Variants in TEX9 observed in about 807,000 individuals in gnomAD.
TEX9 encodes testis expressed 9, also known as testis-expressed protein 9.
TEX9 carries 74 observed loss-of-function variants against 59.6 expected under a neutral mutation model. The ratio of observed to expected loss-of-function variants is 1.24; its 90% CI spans 1.03 to 1.51. The LOEUF is 1.51. Among genes scored for constraint, TEX9 ranks in the 40% most tolerant of loss-of-function variants. The pLI is 0.00. For missense variants in TEX9, 522 were observed against 447.8 expected (o/e 1.17, Z -1.49); for synonymous variants, 186 against 152.2 (o/e 1.22, Z -1.64).
intron 12 of TEX9, among the ~76,000 whole-genome samples, chr15:56,436,045 T>C (rs2140335909): frequency 1.3e-5 from 2 of 151,832 alleles, no homozygotes; most frequent in South Asian, 4.2e-4. Flanking sequence ...ATCATATCAG[T>C]AGAAAAAAGT....
chr15:56,281,463 C>A (rs769762654), intron 1 of TEX9, among the ~76,000 whole-genome samples: 19 of 152,204 alleles, frequency 1.2e-4, no homozygotes, highest in Non-Finnish European at 7.3e-5. Flanking sequence ...ACCGCCCATG[C>A]GAGGGATCTA....
chr15:56,316,026 A>G (rs1488119349), intron 1 of TEX9, among the ~76,000 whole-genome samples: 2 of 150,564 alleles, frequency 1.3e-5, no homozygotes, highest in African/African-American at 4.9e-5. Flanking sequence ...ACTTCTCTGT[A>G]TTGGTTATTC....
chr15:56,329,014 G>C (rs2046085884), intron 1 of TEX9, among the ~76,000 whole-genome samples: 1 of 151,796 alleles, frequency 6.6e-6, no homozygotes, highest in East Asian at 1.9e-4. Flanking sequence ...ACCCAGAGCA[G>C]TCCCAGTGGT....
At chr15:56,322,675 G>A (rs2045928528) in intron 1 of TEX9, among the ~76,000 whole-genome samples, 1 of 152,114 alleles carries the variant, frequency 6.6e-6, no homozygotes, top group Admixed American at 6.6e-5. Context: ...TTTCTCTAGC[G>A]ATGTTCAGGA....
At chr15:56,302,468 C>A (rs762006434) in intron 1 of TEX9, among the ~76,000 whole-genome samples, 1 of 152,182 alleles carries the variant, frequency 6.6e-6, no homozygotes, top group Non-Finnish European at 1.5e-5. Context: ...CTGTAGCGAG[C>A]CATGATTGCA....
chr15:56,344,914 A>AGACC (rs1300853033), intron 1 of TEX9, among the ~76,000 whole-genome samples: 1 of 151,766 alleles, frequency 6.6e-6, no homozygotes, highest in Non-Finnish European at 1.5e-5. Flanking sequence ...CACAATACCT[A>AGACC]GACCCCATCC....
At chr15:56,350,351 A>G (rs185445331) in intron 1 of TEX9, among the ~76,000 whole-genome samples, 28 of 152,346 alleles carry the variant, frequency 1.8e-4, no homozygotes, top group African/African-American at 6.3e-4. Context: ...TGTTAATGAT[A>G]GGATGATTTT....
intron 12 of TEX9, among the ~76,000 whole-genome samples, chr15:56,445,041 G>A (rs534986198): frequency 5.3e-5 from 8 of 152,064 alleles, no homozygotes; most frequent in South Asian, 2.1e-4. Flanking sequence ...AATTTTCATC[G>A]TTTTTAGCTT....
chr15:56,452,189 A>G, the TEX9 span, among the ~76,000 whole-genome samples: 1 of 152,190 alleles, frequency 6.6e-6, no homozygotes, highest in Non-Finnish European at 1.5e-5. Context: ...GACTCAGCAT[A>G]TAGTTATACT....
upstream of TEX9, among the ~76,000 whole-genome samples, chr15:56,363,821 G>T (rs1055225804): frequency 6.6e-6 from 1 of 150,648 alleles, no homozygotes; most frequent in African/African-American, 2.4e-5. Context: ...TGTACCACTG[G>T]ACCCAGCTAA....
intron 1 of TEX9, among the ~76,000 whole-genome samples, chr15:56,270,297 C>T (rs1423568669): frequency 6.6e-6 from 1 of 152,126 alleles, no homozygotes; most frequent in Non-Finnish European, 1.5e-5. Flanking sequence ...TTTTATAGGT[C>T]TCTCAGGACT....
chr15:56,442,822 C>A (rs1201048112), intron 12 of TEX9, among the ~76,000 whole-genome samples: 1 of 151,910 alleles, frequency 6.6e-6, no homozygotes, highest in African/African-American at 2.4e-5. Context: ...TAATGTTACA[C>A]CAAATCCCCA....
intron 9 of TEX9, chr15:56,398,011 T>C (rs2048561951): frequency 6.6e-6 from 1 of 152,276 alleles, no homozygotes. Flanking sequence ...TTATAGTCCA[T>C]TCCTTTTTAT....
intron 1 of TEX9, among the ~76,000 whole-genome samples, chr15:56,297,571 C>A (rs2045246187): frequency 6.6e-6 from 1 of 152,198 alleles, no homozygotes; most frequent in African/African-American, 2.4e-5. Flanking sequence ...GTGGTGCGAT[C>A]TTGGCTCACT....
At chr15:56,332,952 C>G (rs1391883667) in intron 1 of TEX9, among the ~76,000 whole-genome samples, 1 of 152,010 alleles carries the variant, frequency 6.6e-6, no homozygotes, top group Non-Finnish European at 1.5e-5. Flanking sequence ...TACATAAAAC[C>G]TACCAAAATT....
intron 4 of TEX9, among the ~76,000 whole-genome samples, chr15:56,385,111 C>A (rs1238796030): frequency 6.6e-6 from 1 of 152,172 alleles, no homozygotes; most frequent in Non-Finnish European, 1.5e-5. Context: ...GAAGACTGTT[C>A]TTTCCCCATT....
chr15:56,434,021 G>C, intron 12 of TEX9: 1 of 1,157,682 alleles, frequency 8.6e-7, no homozygotes, highest in Non-Finnish European at 1.2e-6. Context: ...ATATATATTA[G>C]TAAACATACT....
chr15:56,264,018 T>C (rs978163371), intron 1 of TEX9, among the ~76,000 whole-genome samples: 5 of 152,224 alleles, frequency 3.3e-5, no homozygotes, highest in African/African-American at 1.2e-4. Context: ...TACCAGTCTT[T>C]GGTGACTTTG....
chr15:56,368,856 A>G (rs1433255180), intron 2 of TEX9, among the ~76,000 whole-genome samples: 1 of 152,086 alleles, frequency 6.6e-6, no homozygotes, highest in African/African-American at 2.4e-5. Flanking sequence ...TCAGAGAACC[A>G]GCTTTGGTTT....
Sources: allele counts gnomAD v4.1 joint callset (sites outside exome capture counted in the v4.1 genomes callset), GRCh38; gene constraint gnomAD v4.1.1; transcripts MANE v1.5; gene names NCBI Gene and HGNC (gene_info 2026-07-23, HGNC 2026-07-21).